Variants in ARHGAP26 observed in about 807,000 individuals in gnomAD.
ARHGAP26 encodes rho GTPase-activating protein 26.
In ARHGAP26, 38 loss-of-function variants were observed where a neutral mutation model predicts 104.8. The observed-to-expected ratio is 0.36, with a 90% CI of 0.28 to 0.48. The LOEUF is 0.48. Among genes scored for constraint, ARHGAP26 ranks in the 20% least tolerant of loss-of-function variants. ARHGAP26 has a pLI of 0.99. For synonymous variants in ARHGAP26, 341 were observed against 340.0 expected, an observed-to-expected ratio of 1.00 and a Z score of -0.03; for missense variants, 704 against 947.9, an observed-to-expected ratio of 0.74 and a Z score of 3.38.
At chr5:142,850,471 T>G (rs1436752816) in intron 1 of ARHGAP26, among the ~76,000 whole-genome samples, 1 of 152,114 alleles carries the variant, frequency 6.6e-6, no homozygotes, top group East Asian at 1.9e-4. Context: ...AAAAACAACA[T>G]TCTGTATTTT....
chr5:143,048,935 A>AT (rs934061620), intron 14 of ARHGAP26, among the ~76,000 whole-genome samples: 1 of 151,152 alleles, frequency 6.6e-6, no homozygotes, highest in African/African-American at 2.4e-5. Context: ...AAAAAAAAAA[A>AT]ACCTTACCCA....
intron 18 of ARHGAP26, among the ~76,000 whole-genome samples, chr5:143,128,190 A>G (rs1405755935): frequency 6.6e-6 from 1 of 152,198 alleles, no homozygotes; most frequent in African/African-American, 2.4e-5. Flanking sequence ...ATTTGAACAC[A>G]TATATTCCCC....
At chr5:142,995,184 G>C (rs1776206501) in intron 11 of ARHGAP26, among the ~76,000 whole-genome samples, 1 of 152,134 alleles carries the variant, frequency 6.6e-6, no homozygotes, top group African/African-American at 2.4e-5. Flanking sequence ...TTAAACTAAA[G>C]AGCTCCTGCA....
At chr5:143,100,580 A>G (rs6866914) in intron 17 of ARHGAP26, among the ~76,000 whole-genome samples, 144,916 of 152,362 alleles carry the variant, frequency 0.95, 69,000 homozygotes, top group East Asian at 1. Context: ...ATCACCTCCC[A>G]TGGTGTGAAT....
At chr5:143,014,149 C>T in intron 12 of ARHGAP26, 33 bp downstream of exon 12, 1 of 1,613,076 alleles carries the variant, frequency 6.2e-7, no homozygotes, top group Non-Finnish European at 8.5e-7. Context: ...CTTCTACAGC[C>T]AGGGTTGGGA....
intron 19 of ARHGAP26, 78 bp downstream of exon 19, chr5:143,134,183 C>A: frequency 6.9e-7 from 1 of 1,447,302 alleles, no homozygotes; most frequent in East Asian, 2.5e-5. Context: ...GTGGACACTT[C>A]CAGCTTTTCT....
chr5:143,196,835 C>G (rs1323023518), intron 20 of ARHGAP26, among the ~76,000 whole-genome samples: 4 of 152,164 alleles, frequency 2.6e-5, no homozygotes, highest in Non-Finnish European at 5.9e-5. Context: ...TTGGGCGACT[C>G]AAGGTTTTTG....
At chr5:142,839,447 A>C (rs1012849616) in intron 1 of ARHGAP26, among the ~76,000 whole-genome samples, 5 of 152,206 alleles carry the variant, frequency 3.3e-5, no homozygotes. Flanking sequence ...CATCCAGCTA[A>C]CAGTTGACAG....
At chr5:142,800,743 T>C (rs1321577945) in intron 1 of ARHGAP26, among the ~76,000 whole-genome samples, 6 of 152,216 alleles carry the variant, frequency 3.9e-5, no homozygotes, top group Non-Finnish European at 8.8e-5. Flanking sequence ...TTCCCGGCTT[T>C]CCACAACTAT....
At chr5:143,085,273 G>A (rs1790413848) in intron 17 of ARHGAP26, among the ~76,000 whole-genome samples, 1 of 152,072 alleles carries the variant, frequency 6.6e-6, no homozygotes, top group African/African-American at 2.4e-5. Context: ...AACATCCTCT[G>A]GTGGCAGATA....
At position 142,771,364 on chromosome 5, in the gene ARHGAP26, C is replaced by G. The variant is rs929703175; in HGVS notation, c.154+449C>G. ...GCCCTGCCGAGGGGGCGCTGCCTCC[C>G]CTTGGGAAAAGGTGGGTTGTGACTG... On this transcript the variant is annotated intron_variant, in intron 1 of 22. Coordinates refer to ENST00000645722, the MANE Select transcript of ARHGAP26 (RefSeq NM_001135608.3). 2.4e-6 allele frequency: 3 copies of G among 1,231,978 alleles called. No homozygotes were observed. In the Admixed American group the frequency reaches 1.3e-4, roughly 52 times the overall value. The allele number at this position is 1,231,978 out of a possible 1,614,324, so 76.3% of individuals were successfully genotyped here.
chr5:142,872,784 G>A (rs934971145), intron 1 of ARHGAP26, among the ~76,000 whole-genome samples: 2 of 152,200 alleles, frequency 1.3e-5, no homozygotes, highest in East Asian at 3.8e-4. Flanking sequence ...AAATTCAGGT[G>A]AGCTTTGTCA....
At chr5:142,857,829 A>G (rs996783150) in intron 1 of ARHGAP26, among the ~76,000 whole-genome samples, 1 of 152,016 alleles carries the variant, frequency 6.6e-6, no homozygotes, top group Non-Finnish European at 1.5e-5. Context: ...CTGGTATTTA[A>G]ATATTACCTG....
At chr5:142,806,261 T>A (rs1762965028) in intron 1 of ARHGAP26, among the ~76,000 whole-genome samples, 1 of 152,112 alleles carries the variant, frequency 6.6e-6, no homozygotes, top group Non-Finnish European at 1.5e-5. Flanking sequence ...CCCATGTATT[T>A]TTTTATTTTT....
At chr5:142,903,410 A>G in intron 7 of ARHGAP26, 130 bp from the exon 8 acceptor site, 1 of 940,182 alleles carries the variant, frequency 1.1e-6, no homozygotes, top group Non-Finnish European at 1.6e-6. Context: ...ATAAGGGAGT[A>G]TTTGGCCAGT....
At chr5:142,843,826 T>A (rs1771317724) in intron 1 of ARHGAP26, among the ~76,000 whole-genome samples, 1 of 152,164 alleles carries the variant, frequency 6.6e-6, no homozygotes, top group Middle Eastern at 3.2e-3. Flanking sequence ...AAGGTGACAC[T>A]GTGATATGGT....
chr5:143,200,463 C>T (rs183133088), intron 20 of ARHGAP26, among the ~76,000 whole-genome samples: 1 of 152,066 alleles, frequency 6.6e-6, no homozygotes, highest in East Asian at 1.9e-4. Context: ...TTACAGAAAT[C>T]AGAGTATACC....
intron 5 of ARHGAP26, among the ~76,000 whole-genome samples, 158 bp from the exon 6 acceptor site, chr5:142,894,080 A>C (rs539991566): frequency 6.6e-6 from 1 of 152,076 alleles, no homozygotes; most frequent in East Asian, 1.9e-4. Flanking sequence ...ATATTTTTGC[A>C]TAGTGAAATA....
At chr5:142,817,313 G>A (rs71590916) in intron 1 of ARHGAP26, among the ~76,000 whole-genome samples, 8,838 of 152,288 alleles carry the variant, frequency 0.058, 389 homozygotes, top group East Asian at 0.11. Context: ...GGACAGTGGC[G>A]AGTGCCACCT....
Sources: gnomAD v4.1 joint callset for allele counts (sites outside exome capture counted in the v4.1 genomes callset) on GRCh38, gnomAD v4.1.1 for gene constraint, MANE v1.5 for transcripts, NCBI Gene and HGNC (gene_info 2026-07-23, HGNC 2026-07-21) for gene names.